The following CTNNBL1 variants were observed in gnomAD, a reference collection of about 807,000 sequenced individuals.
CTNNBL1 encodes the protein catenin beta like 1.
Under a neutral mutation model 72.7 loss-of-function variants are expected in CTNNBL1, and 31 were observed. The observed-to-expected ratio is 0.43, with a 90% CI of 0.32 to 0.58. The LOEUF (loss-of-function observed/expected upper bound fraction) is 0.58. CTNNBL1 is among the 20% of genes least tolerant of loss of function. CTNNBL1 has a pLI of 0.08. For synonymous variants in CTNNBL1, 240 were observed against 267.3 expected (o/e 0.90, Z 1.00); for missense variants, 534 against 725.1 (o/e 0.74, Z 3.03).
At position 37,860,324 on chromosome 20, in the gene CTNNBL1, T is replaced by C; in HGVS notation, c.1583T>C (p.Ile528Thr). The C allele has an allele frequency of 9.3e-6, 15 of 1,614,010 alleles. No individual in the cohort carries two copies. The highest frequency in any genetic ancestry group is 1.2e-5 in the Non-Finnish European group (14 of 1,179,848). The change falls in exon 15 of 16, where the codon ATT becomes ACT. Residue 528 changes from isoleucine to threonine, a missense_variant. Ile to Thr is a moderately conservative substitution (Grantham distance 89). Transcript: ENST00000361383. Reference sequence around the variant, plus strand: ...AACATGCGAGGAAGCTCCATCAAAATTGTCAGGCATATCATCAAGGGTGAG... The same window carrying C: ...AACATGCGAGGAAGCTCCATCAAAACTGTCAGGCATATCATCAAGGGTGAG... ...ILNMRGSSIK[I>T]VRHIIKEYAE... is the part of the protein sequence containing the mutation.
chr20:37,819,027 A>G (rs1238249583), intron 11 of CTNNBL1, among the ~76,000 whole-genome samples: 2 of 152,120 alleles, frequency 1.3e-5, no homozygotes, highest in Non-Finnish European at 2.9e-5. Context: ...TGTATATTTC[A>G]TCTTTGCGTC....
intron 1 of CTNNBL1, among the ~76,000 whole-genome samples, chr20:37,724,590 GGGGAGA>G (rs1372821922): frequency 6.6e-6 from 1 of 152,106 alleles, no homozygotes; most frequent in Non-Finnish European, 1.5e-5. Context: ...GCATATGCCT[GGGGAGA>G]GATATGTTAA....
rs531439980 is a variant in CTNNBL1, at chr20:37,719,349, C to T, written c.31-13530C>T. Among the ~76,000 whole-genome samples the T allele has an allele frequency of 7.2e-5, 11 of 152,280 alleles. No homozygotes were observed. In the East Asian group the frequency reaches 1.4e-3, roughly 19 times the overall value. ...TCTTCCCTTGAATTATGCCACCTTCCTTGATCTCCAGTCTGATACAGATGC... is the reference window on the plus strand; with the variant it reads ...TCTTCCCTTGAATTATGCCACCTTCTTTGATCTCCAGTCTGATACAGATGC... On this transcript the variant is annotated intron_variant, in intron 1 of 15. Transcript: ENST00000361383.
At chr20:37,822,502 T>A (rs2072117447) in intron 11 of CTNNBL1, among the ~76,000 whole-genome samples, 1 of 152,260 alleles carries the variant, frequency 6.6e-6, no homozygotes. Context: ...AGAAACCATC[T>A]GTTTTATATA....
chr20:37,712,760 T>C (rs1211361283), intron 1 of CTNNBL1, among the ~76,000 whole-genome samples: 1 of 152,260 alleles, frequency 6.6e-6, no homozygotes, highest in Non-Finnish European at 1.5e-5. Context: ...CAGGGACTTT[T>C]TCTCCTGAGT....
rs1390198561 is a variant in CTNNBL1 at position 37,743,514 on chromosome 20, A to C, written c.327-2954A>C. The stretch of plus-strand genomic sequence containing the variant: ...AAATTTACTTGGAATAATAAGTGAG[A>C]ACAGGCAAGGAAACACTGAAAAATA... On this transcript the variant is annotated intron_variant, in intron 3 of 15. Transcript: ENST00000361383. Among the ~76,000 whole-genome samples the C allele has an allele frequency of 2.0e-5, 3 of 152,228 alleles. No homozygotes were observed. The East Asian group carries it at 5.8e-4, about 29-fold the overall frequency.
chr20:37,766,822 G>T (rs1329876628), intron 6 of CTNNBL1, among the ~76,000 whole-genome samples: 2 of 152,202 alleles, frequency 1.3e-5, no homozygotes, highest in Non-Finnish European at 2.9e-5. Flanking sequence ...AGGAAGCTTG[G>T]ATTTTGTTCG....
chr20:37,780,005 T>G (rs188974532), intron 10 of CTNNBL1, among the ~76,000 whole-genome samples: 2 of 149,920 alleles, frequency 1.3e-5, no homozygotes, highest in Admixed American at 6.6e-5. Context: ...GGAAGGGGAG[T>G]AGAGAAGTGT....
chr20:37,717,418 C>T (rs2072996037), intron 1 of CTNNBL1, among the ~76,000 whole-genome samples: 1 of 152,180 alleles, frequency 6.6e-6, no homozygotes, highest in Non-Finnish European at 1.5e-5. Flanking sequence ...AAAGTATCAG[C>T]ATTTGTGTCA....
intron 2 of CTNNBL1, among the ~76,000 whole-genome samples, chr20:37,736,020 GA>G (rs1047153701): frequency 5.9e-5 from 9 of 151,522 alleles, no homozygotes; most frequent in African/African-American, 1.7e-4. Context: ...ATTTTTTGGA[GA>G]AAAAATGATT....
intron 1 of CTNNBL1, among the ~76,000 whole-genome samples, chr20:37,699,441 A>T (rs1252722722): frequency 6.6e-6 from 1 of 152,250 alleles, no homozygotes; most frequent in Non-Finnish European, 1.5e-5. Context: ...CAACCTAGGG[A>T]GGTCAAGCTG....
intron 7 of CTNNBL1, among the ~76,000 whole-genome samples, chr20:37,772,100 A>C (rs1305159196): frequency 6.6e-6 from 1 of 152,202 alleles, no homozygotes; most frequent in East Asian, 1.9e-4. Flanking sequence ...AGATGACTCC[A>C]TCACCTGGCC....
chr20:37,845,465 G>C (rs946497208), intron 13 of CTNNBL1, among the ~76,000 whole-genome samples: 3 of 152,202 alleles, frequency 2.0e-5, no homozygotes, highest in African/African-American at 7.2e-5. Context: ...TCTCCTTGAT[G>C]CCAAGGCCGT....
intron 7 of CTNNBL1, among the ~76,000 whole-genome samples, 196 bp downstream of exon 7, chr20:37,768,240 G>A (rs1469921592): frequency 6.6e-6 from 1 of 152,146 alleles, no homozygotes; most frequent in Non-Finnish European, 1.5e-5. Context: ...TAGTACCTCT[G>A]AAAATACAAA....
intron 11 of CTNNBL1, among the ~76,000 whole-genome samples, chr20:37,812,389 T>C (rs1354451587): frequency 6.6e-6 from 1 of 152,186 alleles, no homozygotes; most frequent in African/African-American, 2.4e-5. Flanking sequence ...CCCAGGACTT[T>C]ATATGTGGAT....
chr20:37,749,788 C>T (rs1173557818), intron 4 of CTNNBL1: 2 of 152,058 alleles, frequency 1.3e-5, no homozygotes, highest in Non-Finnish European at 2.9e-5. Flanking sequence ...CTCTGTTGGT[C>T]GTAATGTTGC....
chr20:37,841,348 T>C (rs1470841375), intron 12 of CTNNBL1, among the ~76,000 whole-genome samples: 2 of 152,240 alleles, frequency 1.3e-5, no homozygotes, highest in Admixed American at 1.3e-4. Flanking sequence ...AGTTAACATC[T>C]GTGCTTCGGT....
At chr20:37,767,111 A>G (rs2073475891) in intron 6 of CTNNBL1, among the ~76,000 whole-genome samples, 1 of 152,124 alleles carries the variant, frequency 6.6e-6, no homozygotes, top group Admixed American at 6.5e-5. Context: ...TTTCTCCTTC[A>G]AAATTCACAC....
chr20:37,712,186 T>C (rs1161126573), intron 1 of CTNNBL1, among the ~76,000 whole-genome samples: 1 of 152,220 alleles, frequency 6.6e-6, no homozygotes, highest in Non-Finnish European at 1.5e-5. Flanking sequence ...TGTTCTGGCT[T>C]AATCAAGAAG....
Sources: gnomAD v4.1 joint callset for allele counts (sites outside exome capture counted in the v4.1 genomes callset) on GRCh38, gnomAD v4.1.1 for gene constraint, MANE v1.5 for transcripts, NCBI Gene and HGNC (gene_info 2026-07-23, HGNC 2026-07-21) for gene names.